YEATS2: variants seen among roughly 807,000 people sequenced by gnomAD.
YEATS2 encodes the protein YEATS domain containing 2.
A neutral mutation model predicts 163.2 loss-of-function variants in YEATS2; 77 were observed. The ratio of observed to expected loss-of-function variants is 0.47; its 90% CI spans 0.39 to 0.57. The LOEUF is 0.57. Among genes scored for constraint, YEATS2 ranks in the 20% least tolerant of loss-of-function variants. YEATS2 has a pLI of 0.00. For missense variants in YEATS2, 1,549 were observed against 1,729.8 expected, an observed-to-expected ratio of 0.90 and a Z score of 1.85; for synonymous variants, 631 against 645.1, an observed-to-expected ratio of 0.98 and a Z score of 0.33.
At chr3:183,810,419 G>T in intron 30 of YEATS2, 56 bp from the exon 31 acceptor site, 1 of 1,469,834 alleles carries the variant, frequency 6.8e-7, no homozygotes, top group East Asian at 2.3e-5. Flanking sequence ...GTGAATAAAT[G>T]ATGAGATATA....
intron 8 of YEATS2, among the ~76,000 whole-genome samples, chr3:183,739,321 CAGAG>C (rs1181785237): frequency 2.7e-5 from 4 of 150,016 alleles, no homozygotes; most frequent in East Asian, 3.9e-4. Context: ...CAACAACAGA[CAGAG>C]AGCCAAATCA....
chr3:183,748,649 C>T (rs1201722688), intron 9 of YEATS2, among the ~76,000 whole-genome samples: 2 of 151,994 alleles, frequency 1.3e-5, no homozygotes, highest in African/African-American at 4.8e-5. Flanking sequence ...GTCAGCCAGG[C>T]TGGAGTACAG....
At chr3:183,710,418 C>G (rs1393318579) in intron 1 of YEATS2, among the ~76,000 whole-genome samples, 1 of 152,214 alleles carries the variant, frequency 6.6e-6, no homozygotes, top group Non-Finnish European at 1.5e-5. Flanking sequence ...GACATGTGCA[C>G]ATTACACATT....
At chr3:183,698,808 C>T (rs1182472098) in intron 1 of YEATS2, among the ~76,000 whole-genome samples, 2 of 152,100 alleles carry the variant, frequency 1.3e-5, no homozygotes, top group Non-Finnish European at 2.9e-5. Context: ...AATATCATTT[C>T]CCCTTTCTTA....
At chr3:183,706,413 G>A (rs1416388562) in intron 1 of YEATS2, among the ~76,000 whole-genome samples, 1 of 152,050 alleles carries the variant, frequency 6.6e-6, no homozygotes, top group East Asian at 1.9e-4. Context: ...ATTCAAGCAG[G>A]GGATGACATG....
chr3:183,748,951 A>G (rs1474581545), intron 9 of YEATS2, among the ~76,000 whole-genome samples: 1 of 151,804 alleles, frequency 6.6e-6, no homozygotes, highest in Non-Finnish European at 1.5e-5. Flanking sequence ...AAATGTATAT[A>G]TATTTTCTTG....
chr3:183,715,986 G>A (rs1209490595), intron 2 of YEATS2, among the ~76,000 whole-genome samples: 1 of 152,048 alleles, frequency 6.6e-6, no homozygotes, highest in Admixed American at 6.6e-5. Flanking sequence ...TTGAGACAGA[G>A]TCTTGCTCTG....
Position 183,786,122 on chromosome 3 carries a change from C to T in YEATS2, c.2737-3C>T. The T allele has an allele frequency of 6.2e-7, 1 of 1,608,678 alleles. No individual in the cohort carries two copies. The highest frequency in any genetic ancestry group is 8.5e-7 in the Non-Finnish European group (1 of 1,175,604). Reference sequence around the variant, plus strand: ...ATTATTTCTGCCCATCTTGTTTCTGCAGGCAGCCCATGGAGGACAGGCATC... The same window carrying T: ...ATTATTTCTGCCCATCTTGTTTCTGTAGGCAGCCCATGGAGGACAGGCATC... On this transcript the variant is annotated splice_region_variant and splice_polypyrimidine_tract_variant and intron_variant, in intron 19 of 30. Transcript: ENST00000305135.
chr3:183,776,751 C>T (rs1414352228), intron 18 of YEATS2, among the ~76,000 whole-genome samples: 1 of 151,910 alleles, frequency 6.6e-6, no homozygotes, highest in East Asian at 1.9e-4. Context: ...GTCAGGAGTT[C>T]AAGACCAGCC....
chr3:183,789,107 G>C (rs555280301), intron 20 of YEATS2, among the ~76,000 whole-genome samples: 8 of 152,172 alleles, frequency 5.3e-5, no homozygotes, highest in Non-Finnish European at 1.0e-4. Context: ...TTTCTTTGCT[G>C]TGCAGAAGCT....
intron 7 of YEATS2, among the ~76,000 whole-genome samples, chr3:183,731,895 A>G (rs1346059373): frequency 6.6e-6 from 1 of 152,158 alleles, no homozygotes; most frequent in African/African-American, 2.4e-5. Flanking sequence ...ACACACCTTT[A>G]CCACATACTT....
intron 12 of YEATS2, among the ~76,000 whole-genome samples, 160 bp from the exon 13 acceptor site, chr3:183,758,702 A>T (rs55953485): frequency 0.41 from 61,744 of 151,488 alleles, 13,173 homozygotes; most frequent in East Asian, 0.65. Flanking sequence ...TGGGTCCTTA[A>T]GGGTTTTTTT....
At chr3:183,701,113 GCT>G (rs1374343341) in intron 1 of YEATS2, among the ~76,000 whole-genome samples, 1 of 146,726 alleles carries the variant, frequency 6.8e-6, no homozygotes, top group Non-Finnish European at 1.5e-5. Context: ...AAGGAGTCTC[GCT>G]CTGTCGCCCA....
At chr3:183,795,430 A>G (rs558065726) in intron 21 of YEATS2, among the ~76,000 whole-genome samples, 2 of 145,022 alleles carry the variant, frequency 1.4e-5, no homozygotes, top group East Asian at 4.1e-4. Context: ...CTGGTACTAC[A>G]GGGGCATGCC....
Position 183,812,269 on chromosome 3 carries a change from G to C in YEATS2, c.*1686G>C, listed in dbSNP as rs1277312841. ...TTGATCAATTCAGCATCTGAGGGCT[G>C]CAAGTACAGAAGGAATCTATTCTCA... is the stretch of plus-strand genomic sequence containing the variant. On this transcript the variant is annotated 3_prime_UTR_variant, in exon 31 of 31. Coordinates refer to ENST00000305135, the MANE Select transcript of YEATS2 (RefSeq NM_018023.5). 6.6e-6 allele frequency: 1 copy of C among 152,264 alleles called. No homozygotes were observed. The highest frequency in any genetic ancestry group is 1.9e-4 in the East Asian group (1 of 5,192). The allele number at this position is 152,264 out of a possible 1,614,324, so 9.4% of individuals were successfully genotyped here. A position where few individuals can be genotyped will look rare whatever the true frequency, so the allele number is the denominator to read the frequency against.
At chr3:183,772,888 C>T (rs1238091834) in intron 16 of YEATS2, among the ~76,000 whole-genome samples, 1 of 152,110 alleles carries the variant, frequency 6.6e-6, no homozygotes, top group Admixed American at 6.6e-5. Flanking sequence ...CCACAGTCCC[C>T]TGTGTAAAAT....
intron 21 of YEATS2, among the ~76,000 whole-genome samples, chr3:183,795,881 T>G (rs1725098758): frequency 1.3e-5 from 2 of 152,284 alleles, no homozygotes; most frequent in Admixed American, 1.3e-4. Flanking sequence ...TTTTGTTTAT[T>G]TAAGGCCTTG....
chr3:183,716,284 A>G (rs1307752407), intron 2 of YEATS2, among the ~76,000 whole-genome samples: 1 of 152,150 alleles, frequency 6.6e-6, no homozygotes, highest in Non-Finnish European at 1.5e-5. Flanking sequence ...TATTAAAACA[A>G]ATTATTACTG....
chr3:183,778,129 GAAAAA>G (rs1010690769), intron 19 of YEATS2, among the ~76,000 whole-genome samples: 2 of 126,174 alleles, frequency 1.6e-5, no homozygotes, highest in Non-Finnish European at 3.4e-5. Context: ...AAAAAAAAAA[GAAAAA>G]AAAAGAAAAA....
Sources: allele counts gnomAD v4.1 joint callset (sites outside exome capture counted in the v4.1 genomes callset), GRCh38; gene constraint gnomAD v4.1.1; transcripts MANE v1.5; gene names NCBI Gene and HGNC (gene_info 2026-07-23, HGNC 2026-07-21).